DPP8: variants seen among roughly 807,000 people sequenced by gnomAD.
DPP8 encodes the protein DPP VIII.
In DPP8, 31 loss-of-function variants were observed where a neutral mutation model predicts 107.5. The observed-to-expected ratio is 0.29, with a 90% CI of 0.22 to 0.39. The LOEUF is 0.39. DPP8 is among the 10% of genes least tolerant of loss of function. The pLI, the probability that DPP8 is intolerant of heterozygous loss-of-function variation, is 1.00. For synonymous variants in DPP8, 381 were observed against 356.6 expected (o/e 1.07, Z -0.77); for missense variants, 842 against 1,076.1 (o/e 0.78, Z 3.04).
chr15:65,465,569 C>CTTTT (rs556724106), intron 14 of DPP8, among the ~76,000 whole-genome samples: 1 of 128,608 alleles, frequency 7.8e-6, no homozygotes, highest in Non-Finnish European at 1.7e-5. Flanking sequence ...CCAGTCCATT[C>CTTTT]TTTTTTTTTT....
At chr15:65,470,966 T>C (rs1246704507) in intron 12 of DPP8, among the ~76,000 whole-genome samples, 1 of 149,068 alleles carries the variant, frequency 6.7e-6, no homozygotes, top group Non-Finnish European at 1.5e-5. Flanking sequence ...AAAGACAGAC[T>C]AACGTATCAC....
intron 12 of DPP8, among the ~76,000 whole-genome samples, chr15:65,469,198 C>T (rs960481640): frequency 6.6e-6 from 1 of 151,602 alleles, no homozygotes; most frequent in Non-Finnish European, 1.5e-5. Context: ...TGGTCTCGAA[C>T]TCCTGACCTC....
Position 65,445,944 on chromosome 15 carries a change from C to T in DPP8, c.*940G>A, listed in dbSNP as rs1031968132. The T allele has an allele frequency of 1.3e-5, 2 of 151,976 alleles. No homozygotes were observed. The highest frequency in any genetic ancestry group is 2.9e-5 in the Non-Finnish European group (2 of 68,006). The allele number at this position is 151,976 out of a possible 1,614,324, so 9.4% of individuals were successfully genotyped here. ...TGTCATTCCCCAAACCCAGGTCTCC[C>T]CACCCCACTGTGATTCCCTTCAATC... On this transcript the variant is annotated 3_prime_UTR_variant, in exon 20 of 20. Coordinates refer to ENST00000300141, the MANE Select transcript of DPP8 (RefSeq NM_130434.5).
intron 16 of DPP8, chr15:65,455,524 G>A (rs2064341652): frequency 2.7e-6 from 1 of 364,568 alleles, no homozygotes; most frequent in Non-Finnish European, 4.4e-6. Flanking sequence ...CTACCTCTAG[G>A]AACTGAACAT....
chr15:65,510,687 T>C (rs2070658485), intron 2 of DPP8, among the ~76,000 whole-genome samples: 1 of 152,182 alleles, frequency 6.6e-6, no homozygotes, highest in South Asian at 2.1e-4. Context: ...TACAAGTGTG[T>C]ACTACCACGC....
At chr15:65,488,533 G>C (rs559395825) in intron 6 of DPP8, among the ~76,000 whole-genome samples, 61 of 148,344 alleles carry the variant, frequency 4.1e-4, no homozygotes, top group African/African-American at 1.4e-3. Flanking sequence ...GCTTGAGCCC[G>C]GGAGGCAGAC....
intron 12 of DPP8, among the ~76,000 whole-genome samples, chr15:65,473,135 T>C (rs2066054159): frequency 6.6e-6 from 1 of 151,614 alleles, no homozygotes; most frequent in African/African-American, 2.4e-5. Flanking sequence ...AAGACCAGCA[T>C]GGCCAACATG....
rs746935924 is a variant in DPP8 at position 65,480,337 on chromosome 15, T to C, written c.1181A>G (p.Glu394Gly). The C allele has an allele frequency of 3.1e-6, 5 of 1,611,988 alleles. No homozygotes were observed. Among genetic ancestry groups the C allele is most frequent in the Non-Finnish European group, 1.7e-6 (2 of 1,179,218 alleles). ...ATCATCTTCTACTGGGATAAATAAT[T>C]CAGGTGAGATCAACACTATCTGTAG... ...TRLQIVLISP[E>G]LFIPVEDDVM... Residue 394 changes from glutamate to glycine, a missense_variant, in exon 10 of 20, where the codon GAA becomes GGA. Physicochemically the swap from Glu to Gly is moderately conservative, Grantham distance 98. This residue lies in a region of DPP8 where 663 missense variants were observed against 758.0 expected (regional missense o/e 0.87). Transcript: ENST00000300141.
intron 15 of DPP8, among the ~76,000 whole-genome samples, chr15:65,461,512 ATCT>A (rs764500844): frequency 1.7e-4 from 26 of 152,224 alleles, no homozygotes; most frequent in South Asian, 6.2e-4. Context: ...GGAGGGGAAA[ATCT>A]TCTTATTTAG....
chr15:65,451,860 C>T (rs553739902), intron 18 of DPP8, 100 bp downstream of exon 18: 20 of 1,229,450 alleles, frequency 1.6e-5, no homozygotes, highest in Admixed American at 1.4e-4. Flanking sequence ...AGGAGTTTGA[C>T]GCTGCAGGGA....
chr15:65,513,739 CTAA>C (rs2308106), intron 1 of DPP8, among the ~76,000 whole-genome samples: 133,965 of 152,108 alleles, frequency 0.88, 59,790 homozygotes, highest in East Asian at 0.95. Flanking sequence ...ATCTCATCTG[CTAA>C]TGTTTATTCT....
chr15:65,453,833 C>T (rs925551714), intron 17 of DPP8, among the ~76,000 whole-genome samples: 1 of 151,928 alleles, frequency 6.6e-6, no homozygotes, highest in South Asian at 2.1e-4. Flanking sequence ...CTGGGCCAGG[C>T]GCAGTGGCTC....
At chr15:65,468,930 C>G (rs960432745) in intron 12 of DPP8, among the ~76,000 whole-genome samples, 1 of 152,094 alleles carries the variant, frequency 6.6e-6, no homozygotes, top group African/African-American at 2.4e-5. Flanking sequence ...TAAGCCCCAC[C>G]ACCAGAGTTT....
intron 15 of DPP8, among the ~76,000 whole-genome samples, chr15:65,463,189 T>A (rs1416004512): frequency 6.6e-6 from 1 of 152,210 alleles, no homozygotes; most frequent in Non-Finnish European, 1.5e-5. Context: ...CATATTTACC[T>A]ACTGACATGA....
chr15:65,486,763 T>C (rs1297832379), intron 7 of DPP8, among the ~76,000 whole-genome samples: 1 of 152,092 alleles, frequency 6.6e-6, no homozygotes, highest in Non-Finnish European at 1.5e-5. Context: ...TTCTCACTGA[T>C]AAGTGGGAGC....
chr15:65,503,789 AT>A (rs1420175050), intron 3 of DPP8, among the ~76,000 whole-genome samples: 1 of 151,478 alleles, frequency 6.6e-6, no homozygotes, highest in Admixed American at 6.6e-5. Flanking sequence ...TGCCTGGCTT[AT>A]TTTTTTATAT....
chr15:65,517,321 G>C (rs1206115499), intron 1 of DPP8, 165 bp downstream of exon 1: 1 of 152,530 alleles, frequency 6.6e-6, no homozygotes, highest in Non-Finnish European at 1.5e-5. Flanking sequence ...GGGGGGAAGG[G>C]CACCACCGGC....
intron 14 of DPP8, 43 bp from the exon 15 acceptor site, chr15:65,463,949 T>C (rs201526280): frequency 4.6e-5 from 65 of 1,416,206 alleles, no homozygotes; most frequent in Non-Finnish European, 5.8e-5. Context: ...AGAGTTCTTA[T>C]GGGAGTGCTA....
At chr15:65,501,897 T>C (rs1458335726) in intron 3 of DPP8, among the ~76,000 whole-genome samples, 1 of 152,214 alleles carries the variant, frequency 6.6e-6, no homozygotes, top group East Asian at 1.9e-4. Context: ...ATTTCTTTCT[T>C]TCTTTCTTTG....
Sources: gnomAD v4.1 joint callset for allele counts (sites outside exome capture counted in the v4.1 genomes callset) on GRCh38, gnomAD v4.1.1 for gene constraint, gnomAD v4.1.1 regional missense constraint, MANE v1.5 for transcripts, NCBI Gene and HGNC (gene_info 2026-07-23, HGNC 2026-07-21) for gene names.